TAFA4: variants seen among roughly 807,000 people sequenced by gnomAD.
The protein encoded by TAFA4 is TAFA chemokine like family member 4, also known as chemokine-like protein TAFA-4.
TAFA4 carries 20 observed loss-of-function variants against 21.1 expected under a neutral mutation model. The ratio of observed to expected loss-of-function variants is 0.95; its 90% CI spans 0.67 to 1.38. The LOEUF (loss-of-function observed/expected upper bound fraction) is 1.38. TAFA4 is among the 40% of genes most tolerant of loss of function. The probability of loss-of-function intolerance (pLI) is 0.00; values close to 1 mark genes in which losing one functional copy is unlikely to be tolerated. For synonymous variants in TAFA4, 71 were observed against 67.4 expected (o/e 1.05, Z -0.26); for missense variants, 211 against 180.9 (o/e 1.17, Z -0.95).
chr3:68,828,720 T>C (rs947691902), intron 3 of TAFA4, among the ~76,000 whole-genome samples: 7 of 152,224 alleles, frequency 4.6e-5, no homozygotes, highest in South Asian at 2.1e-4. Context: ...TTTTTGCACA[T>C]TGATTTTGTA....
At chr3:68,890,901 T>C (rs535272575) in intron 1 of TAFA4, among the ~76,000 whole-genome samples, 1 of 152,344 alleles carries the variant, frequency 6.6e-6, no homozygotes, top group Non-Finnish European at 1.5e-5. Context: ...GTGCCTATGA[T>C]GGTTTACATT....
intron 3 of TAFA4, among the ~76,000 whole-genome samples, chr3:68,811,263 T>C (rs1703831456): frequency 6.6e-6 from 1 of 151,924 alleles, no homozygotes; most frequent in South Asian, 2.1e-4. Context: ...AAAATCAGAG[T>C]ACCTCTCCTC....
chr3:68,847,812 C>T (rs1340751403), intron 3 of TAFA4, among the ~76,000 whole-genome samples: 1 of 152,192 alleles, frequency 6.6e-6, no homozygotes. Flanking sequence ...GGAAATTTCT[C>T]AGGTGTATAG....
chr3:68,847,959 G>T (rs977555463), intron 3 of TAFA4, among the ~76,000 whole-genome samples: 7 of 152,282 alleles, frequency 4.6e-5, no homozygotes, highest in African/African-American at 1.7e-4. Flanking sequence ...AAGACCTAAT[G>T]CTAAGAACAG....
At chr3:68,923,634 T>C (rs1323211016) in intron 1 of TAFA4, among the ~76,000 whole-genome samples, 1 of 152,124 alleles carries the variant, frequency 6.6e-6, no homozygotes, top group Non-Finnish European at 1.5e-5. Flanking sequence ...TTGCCTGTTA[T>C]TATTTTGATA....
chr3:68,838,171 A>G (rs990962689), intron 3 of TAFA4, among the ~76,000 whole-genome samples: 1 of 152,138 alleles, frequency 6.6e-6, no homozygotes, highest in Non-Finnish European at 1.5e-5. Flanking sequence ...GTAACAGCAA[A>G]AAACCCAATA....
chr3:68,931,930 G>A (rs2090162885), intron 1 of TAFA4, among the ~76,000 whole-genome samples: 1 of 152,142 alleles, frequency 6.6e-6, no homozygotes, highest in African/African-American at 2.4e-5. Context: ...GGCCTCCTCC[G>A]CATCAGCAGA....
At chr3:68,869,110 A>G (rs1390692366) in intron 3 of TAFA4, among the ~76,000 whole-genome samples, 1 of 151,530 alleles carries the variant, frequency 6.6e-6, no homozygotes, top group East Asian at 1.9e-4. Context: ...AAAAGCTAAA[A>G]GAAATGAATA....
intron 3 of TAFA4, among the ~76,000 whole-genome samples, chr3:68,864,816 T>C (rs2089395393): frequency 6.6e-6 from 1 of 151,706 alleles, no homozygotes; most frequent in South Asian, 2.1e-4. Flanking sequence ...CCCATATATA[T>C]GCAGCAACAT....
chr3:68,904,465 G>A (rs577960742), intron 1 of TAFA4, among the ~76,000 whole-genome samples: 147 of 152,314 alleles, frequency 9.7e-4, no homozygotes, highest in African/African-American at 3.4e-3. Flanking sequence ...GATAAAATGC[G>A]TAAGCAGGCA....
intron 3 of TAFA4, among the ~76,000 whole-genome samples, chr3:68,764,161 A>G (rs1702807120): frequency 6.6e-6 from 1 of 152,122 alleles, no homozygotes. Flanking sequence ...ATAGGTCATA[A>G]AGGTGGGGTC....
At chr3:68,854,029 T>C (rs946454675) in intron 3 of TAFA4, among the ~76,000 whole-genome samples, 7 of 152,248 alleles carry the variant, frequency 4.6e-5, no homozygotes, top group African/African-American at 1.7e-4. Flanking sequence ...AATATAATTA[T>C]TTTCATTGGA....
chr3:68,812,051 A>G (rs1449858868), intron 3 of TAFA4, among the ~76,000 whole-genome samples: 2 of 152,220 alleles, frequency 1.3e-5, no homozygotes, highest in Non-Finnish European at 2.9e-5. Flanking sequence ...TTTTCAACCC[A>G]GAATTTCATA....
intron 3 of TAFA4, among the ~76,000 whole-genome samples, chr3:68,775,052 G>A (rs1703024623): frequency 6.6e-6 from 1 of 152,154 alleles, no homozygotes; most frequent in Admixed American, 6.5e-5. Flanking sequence ...AAATTCCAAA[G>A]GATGTGAGGA....
intron 3 of TAFA4, among the ~76,000 whole-genome samples, chr3:68,858,905 A>G (rs1442461176): frequency 6.6e-6 from 1 of 151,968 alleles, no homozygotes; most frequent in Non-Finnish European, 1.5e-5. Context: ...TCTCAAATTC[A>G]CTTGCAGTTT....
intron 1 of TAFA4, among the ~76,000 whole-genome samples, chr3:68,920,002 A>T (rs1157692938): frequency 6.6e-6 from 1 of 152,238 alleles, no homozygotes; most frequent in Non-Finnish European, 1.5e-5. Flanking sequence ...AGAAGGCTTT[A>T]AACAGTAAAC....
In TAFA4 at chr3:68,898,870, G is replaced by C. The variant is rs145042435; in HGVS notation, c.-122-13560C>G. Among the ~76,000 whole-genome samples, 167 of 152,220 alleles carry C rather than the reference G, an allele frequency of 1.1e-3. 2 individuals are homozygous for C. Among genetic ancestry groups the C allele is most frequent in the African/African-American group, 4.0e-3 (166 of 41,530 alleles). On this transcript the variant is annotated intron_variant, in intron 1 of 5. Coordinates refer to ENST00000295569, the MANE Select transcript of TAFA4 (RefSeq NM_182522.5). ...GACTCAGGATTCCAAACTAGGCTGGGAGATTCCACTACCTGGGAAGAAAAG... is the reference window on the plus strand; with the variant it reads ...GACTCAGGATTCCAAACTAGGCTGGCAGATTCCACTACCTGGGAAGAAAAG...
intron 3 of TAFA4, among the ~76,000 whole-genome samples, chr3:68,877,944 G>A (rs1356478369): frequency 6.6e-6 from 1 of 152,080 alleles, no homozygotes; most frequent in Non-Finnish European, 1.5e-5. Flanking sequence ...AATAAAATAG[G>A]CATGGATATC....
At chr3:68,904,584 G>A (rs955268253) in intron 1 of TAFA4, among the ~76,000 whole-genome samples, 1 of 152,144 alleles carries the variant, frequency 6.6e-6, no homozygotes, top group Non-Finnish European at 1.5e-5. Flanking sequence ...ATATGAATGG[G>A]GTCTTAGGGT....
Sources: allele counts gnomAD v4.1 joint callset (sites outside exome capture counted in the v4.1 genomes callset), GRCh38; gene constraint gnomAD v4.1.1; transcripts MANE v1.5; gene names NCBI Gene and HGNC (gene_info 2026-07-23, HGNC 2026-07-21).